The following PUDP variants were observed in gnomAD, a reference collection of about 807,000 sequenced individuals.
The protein encoded by PUDP is pseudouridine 5'-phosphatase, also known as pseudouridine-5'-phosphatase.
In PUDP, 8 loss-of-function variants were observed where a neutral mutation model predicts 9.4. The observed-to-expected ratio is 0.85, with a 90% CI of 0.50 to 1.53. The LOEUF is 1.53. Ranked by LOEUF, PUDP falls within the 40% of genes most tolerant of loss-of-function variation. The pLI is 0.00. For synonymous variants in PUDP, 99 were observed against 80.7 expected, an observed-to-expected ratio of 1.23 and a Z score of -1.22; for missense variants, 188 against 189.7, an observed-to-expected ratio of 0.99 and a Z score of 0.05.
At chrX:6,967,746 T>A (rs982627653) in intron 3 of PUDP, among the ~76,000 whole-genome samples, 12 of 111,797 alleles carry the variant, frequency 1.1e-4, no homozygotes, top group African/African-American at 3.6e-4. Flanking sequence ...TGGCTGGTCC[T>A]AGAAACCAGA....
At chrX:6,853,141 A>G (rs1404007518) in intron 3 of PUDP, among the ~76,000 whole-genome samples, 1 of 111,804 alleles carries the variant, frequency 8.9e-6, no homozygotes, top group Non-Finnish European at 1.9e-5. Context: ...TCACCTGTGT[A>G]GACTTTGTTA....
chrX:6,706,281 G>A (rs1462790706), intron 2 of PUDP: 1 of 111,777 alleles, frequency 8.9e-6, no homozygotes, highest in African/African-American at 3.2e-5. Context: ...TTGCACAAGG[G>A]GAATGTACTT....
chrX:6,861,930 GT>G (rs761201660), intron 3 of PUDP, among the ~76,000 whole-genome samples: 1 of 111,358 alleles, frequency 9.0e-6, no homozygotes, highest in Non-Finnish European at 1.9e-5. Flanking sequence ...CGCTGAGTAA[GT>G]TTCCTAGGGA....
intron 3 of PUDP, among the ~76,000 whole-genome samples, chrX:6,848,241 T>C (rs774326926): frequency 1.8e-5 from 2 of 111,904 alleles, no homozygotes; most frequent in South Asian, 7.5e-4. Context: ...ATCTGAACTG[T>C]AGGCAGCCAG....
In PUDP at chrX:6,754,684, TTATA is replaced by T. The variant is rs199946423; in HGVS notation, c.*248-48222_*248-48219del. Among the ~76,000 whole-genome samples the T allele has an allele frequency of 2.5e-4, 27 of 109,781 alleles. 1 individual carries two copies. The East Asian group carries it at 6.2e-3, about 25-fold the overall frequency. On this transcript the variant is annotated intron_variant and NMD_transcript_variant, in intron 3 of 3. Transcript: ENST00000655425. ...ATAGCTTTATACATAATTTAGCACA[TTATA>T]TATTATAGATATATGAATTATATAT...
chrX:6,771,422 C>A (rs1457267026), intron 3 of PUDP, among the ~76,000 whole-genome samples: 2 of 112,127 alleles, frequency 1.8e-5, no homozygotes, highest in African/African-American at 6.5e-5. Flanking sequence ...CTCTTTAATC[C>A]ATCACCCAAT....
intron 2 of PUDP, among the ~76,000 whole-genome samples, chrX:7,094,092 C>A (rs1446323387): frequency 1.8e-5 from 2 of 111,275 alleles, no homozygotes; most frequent in African/African-American, 3.3e-5. Context: ...TGCACCACTA[C>A]ACTCCAGCCT....
At chrX:6,731,817 G>A (rs949391280) in intron 3 of PUDP, among the ~76,000 whole-genome samples, 1 of 108,868 alleles carries the variant, frequency 9.2e-6, no homozygotes, top group Non-Finnish European at 1.9e-5. Context: ...AGGAAGGAAG[G>A]AAGGAAGGCC....
rs777741506 is a variant in PUDP at position 7,014,130 on chromosome X, G to A, written c.205-35787C>T. On this transcript the variant is annotated intron_variant and NMD_transcript_variant, in intron 1 of 3. Coordinates refer to the PUDP transcript ENST00000655425. ...CCAGTTTAACTCCTGGCATTCACAC[G>A]TTCCTTCCCTTCTCTCTTTCTCTGC... 1.7e-4 allele frequency among the ~76,000 whole-genome samples: 19 copies of A among 110,348 alleles called. No homozygotes were observed. In the East Asian group the frequency reaches 4.6e-3, roughly 27 times the overall value.
chrX:6,756,569 G>A (rs1469872950), intron 3 of PUDP, among the ~76,000 whole-genome samples: 1 of 111,779 alleles, frequency 8.9e-6, no homozygotes, highest in Non-Finnish European at 1.9e-5. Context: ...AATGATATGT[G>A]GTTCATATTT....
intron 3 of PUDP, among the ~76,000 whole-genome samples, chrX:6,915,502 AAAGG>A (rs749912566): frequency 2.7e-5 from 3 of 111,867 alleles, no homozygotes; most frequent in African/African-American, 9.7e-5. Context: ...AGAAAGACTG[AAAGG>A]AAGGCAAAAA....
intron 1 of PUDP, among the ~76,000 whole-genome samples, chrX:6,719,869 AACTGGC>A (rs1433149492): frequency 1.8e-5 from 2 of 111,667 alleles, no homozygotes; most frequent in African/African-American, 6.5e-5. Flanking sequence ...CACATTGATA[AACTGGC>A]ACAGCCACTA....
At chrX:6,879,207 A>C (rs1342869734) in intron 3 of PUDP, among the ~76,000 whole-genome samples, 1 of 112,152 alleles carries the variant, frequency 8.9e-6, no homozygotes, top group African/African-American at 3.2e-5. Context: ...GCAGTGAAGG[A>C]AAAAGGCAGA....
At chrX:6,822,458 G>A (rs1011768516) in intron 3 of PUDP, among the ~76,000 whole-genome samples, 41 of 112,057 alleles carry the variant, frequency 3.7e-4, no homozygotes, top group African/African-American at 1.3e-3. Flanking sequence ...ACGGAGTCTC[G>A]CTCTATCGTC....
chrX:7,064,451 T>C (rs973702210), intron 3 of PUDP, among the ~76,000 whole-genome samples: 2 of 111,455 alleles, frequency 1.8e-5, no homozygotes, highest in African/African-American at 6.5e-5. Context: ...TCAGTATTAA[T>C]ACAGGGAGGT....
At chrX:6,833,827 A>G (rs1250318896) in intron 3 of PUDP, among the ~76,000 whole-genome samples, 1 of 112,219 alleles carries the variant, frequency 8.9e-6, no homozygotes, top group Non-Finnish European at 1.9e-5. Flanking sequence ...CAAAGATCAA[A>G]TAGCTATTAT....
At chrX:6,972,014 T>C in intron 3 of PUDP, among the ~76,000 whole-genome samples, 1 of 111,951 alleles carries the variant, frequency 8.9e-6, no homozygotes, top group South Asian at 3.8e-4. Context: ...GCTCTCCGTT[T>C]GTCTATTATT....
chrX:6,860,964 C>A (rs142690173), intron 3 of PUDP, among the ~76,000 whole-genome samples: 2,704 of 112,257 alleles, frequency 0.024, 68 homozygotes, highest in African/African-American at 0.081. Context: ...ATAATCACAA[C>A]CACAGGTATA....
At chrX:6,864,980 G>C (rs1200461751) in intron 3 of PUDP, among the ~76,000 whole-genome samples, 3 of 111,927 alleles carry the variant, frequency 2.7e-5, no homozygotes, top group African/African-American at 9.7e-5. Flanking sequence ...TTTGGGGATA[G>C]AGGTGTCATT....
Sources: allele counts gnomAD v4.1 joint callset (sites outside exome capture counted in the v4.1 genomes callset), GRCh38; gene constraint gnomAD v4.1.1; transcripts MANE v1.5; gene names NCBI Gene and HGNC (gene_info 2026-07-23, HGNC 2026-07-21).